SH3BP1: variants seen among roughly 807,000 people sequenced by gnomAD.
SH3BP1 encodes SH3 domain-binding protein 1.
SH3BP1 carries 46 observed loss-of-function variants against 69.8 expected under a neutral mutation model. The observed-to-expected ratio is 0.66, with a 90% confidence interval of 0.52 to 0.84. The LOEUF (loss-of-function observed/expected upper bound fraction) is 0.84. Ranked by LOEUF, SH3BP1 falls within the 40% of genes least tolerant of loss-of-function variation. The pLI is 0.00. For synonymous variants in SH3BP1, 403 were observed against 378.0 expected, an observed-to-expected ratio of 1.07 and a Z score of -0.77; for missense variants, 868 against 930.9, an observed-to-expected ratio of 0.93 and a Z score of 0.88.
chr22:37,647,453 AG>A lies in SH3BP1; in HGVS notation c.1135del (p.Ala379ProfsTer24). The A allele has an allele frequency of 6.2e-7, 1 of 1,611,880 alleles. No individual in the cohort carries two copies. The highest frequency in any genetic ancestry group is 8.5e-7 in the Non-Finnish European group (1 of 1,179,480). The stretch of plus-strand genomic sequence containing the variant: ...CACTCCCCCCCAGCCTGAAGGAGCC[AG>A]GGGCCCGGCTGCAGGCCCTCCAAGA... ...WMRAASLKEP[G>X]ARLQALQEVC... On this transcript the variant is annotated frameshift_variant, in exon 13 of 18. Transcript: ENST00000649765. LOFTEE classifies it high-confidence loss of function.
intron 13 of SH3BP1, 41 bp downstream of exon 13, chr22:37,647,562 A>G (rs889707671): frequency 2.0e-6 from 3 of 1,528,194 alleles, no homozygotes; most frequent in African/African-American, 2.8e-5. Flanking sequence ...GCAGAGCCAG[A>G]GCCCAGCTGA....
intron 9 of SH3BP1, 176 bp downstream of exon 9, chr22:37,645,136 G>C (rs1023439466): frequency 1.8e-5 from 15 of 825,198 alleles, no homozygotes; most frequent in Non-Finnish European, 2.8e-5. Context: ...GGAGTGAAGC[G>C]GGCAGGACTA....
At position 37,650,854 on chromosome 22, in the gene SH3BP1, G is replaced by T. The variant is rs559146911; in HGVS notation, c.1598+129G>T. ...ATTAGTGTTTTCATCCCAAAGACCG[G>T]ATCTCCTAGTTTGGAGAGGGTGGGG... is the stretch of plus-strand genomic sequence containing the variant. On this transcript the variant is annotated intron_variant, in intron 16 of 17. Transcript: ENST00000649765. The T allele has an allele frequency of 3.2e-3, 4,064 of 1,260,340 alleles. 8 individuals carry two copies. The highest frequency in any genetic ancestry group is 3.7e-3 in the Non-Finnish European group (3,384 of 925,756). 78.1% of individuals were successfully genotyped at this position (1,260,340 alleles called of 1,614,324 possible). A position where few individuals can be genotyped will look rare whatever the true frequency, so the allele number is the denominator to read the frequency against.
At chr22:37,648,707 T>G in intron 14 of SH3BP1, 1 of 342,772 alleles carries the variant, frequency 2.9e-6, no homozygotes. Context: ...GTTCTTTTTT[T>G]TTTTTTTTTT....
chr22:37,653,070 G>A (rs1485283290), intron 16 of SH3BP1, among the ~76,000 whole-genome samples: 1 of 151,998 alleles, frequency 6.6e-6, no homozygotes, highest in Non-Finnish European at 1.5e-5. Flanking sequence ...CCAGGAGGCG[G>A]AGGTCACAGT....
intron 10 of SH3BP1, among the ~76,000 whole-genome samples, chr22:37,646,138 T>A (rs1932782723): frequency 6.6e-6 from 1 of 151,958 alleles, no homozygotes; most frequent in Non-Finnish European, 1.5e-5. Context: ...AGCTAATTTT[T>A]GTATTTTTTA....
intron 3 of SH3BP1, 122 bp from the exon 4 acceptor site, chr22:37,642,417 C>G: frequency 1.2e-6 from 1 of 857,592 alleles, no homozygotes; most frequent in East Asian, 2.6e-5. Flanking sequence ...CTTGTTTCCA[C>G]TCTCATCTGG....
intron 1 of SH3BP1, 88 bp downstream of exon 1, chr22:37,639,934 G>A: frequency 1.1e-6 from 1 of 932,784 alleles, no homozygotes; most frequent in Non-Finnish European, 1.6e-6. Context: ...GGTGGGGGAG[G>A]CTGGGGACAG....
intron 14 of SH3BP1, chr22:37,648,703 T>A: frequency 4.7e-6 from 1 of 211,516 alleles, no homozygotes; most frequent in Non-Finnish European, 8.5e-6. Context: ...TCGGGTTCTT[T>A]TTTTTTTTTT....
Position 37,652,385 on chromosome 22 carries a change from G to A in SH3BP1, c.1599-1394G>A, listed in dbSNP as rs551950949. On this transcript the variant is annotated intron_variant, in intron 16 of 17. Coordinates refer to ENST00000649765, the MANE Select transcript of SH3BP1 (RefSeq NM_018957.6). ...GGCTGTGTCTCTACAAAAAATAAAT[G>A]AGGTCGGTGTGGTGGTGCACACCTG... is the stretch of plus-strand genomic sequence containing the variant. Among the ~76,000 whole-genome samples, 3 of 152,042 alleles carry A rather than the reference G, an allele frequency of 2.0e-5. No homozygotes were observed. In the East Asian group the frequency reaches 5.8e-4, roughly 29 times the overall value.
chr22:37,645,575 C>A, intron 10 of SH3BP1, 65 bp downstream of exon 10: 1 of 1,529,944 alleles, frequency 6.5e-7, no homozygotes, highest in Non-Finnish European at 8.9e-7. Context: ...AAACCGCCCA[C>A]TTGCTGCCCT....
intron 6 of SH3BP1, 186 bp from the exon 7 acceptor site, chr22:37,643,458 A>G: frequency 2.5e-6 from 2 of 785,356 alleles, no homozygotes; most frequent in Non-Finnish European, 4.0e-6. Flanking sequence ...TGTGATCACC[A>G]AATCTGCCAC....
intron 10 of SH3BP1, among the ~76,000 whole-genome samples, 193 bp downstream of exon 10, chr22:37,645,703 ACTAGAAGC>A (rs1302837050): frequency 6.6e-6 from 1 of 152,192 alleles, no homozygotes; most frequent in Non-Finnish European, 1.5e-5. Flanking sequence ...CAAGCGCTGT[ACTAGAAGC>A]CTTTGCATTC....
chr22:37,645,822 T>G (rs1246258013), intron 10 of SH3BP1, among the ~76,000 whole-genome samples: 15 of 152,184 alleles, frequency 9.9e-5, no homozygotes, highest in Non-Finnish European at 2.2e-4. Flanking sequence ...GGGGCTCCAC[T>G]GCCACACACT....
chr22:37,643,203 A>T lies in SH3BP1; in HGVS notation c.473+29A>T, dbSNP rs1027812979. ...GGAGCCCCAGCCGCTCAGGGGGCTC[A>T]TATCTGGGTCAGCCCACAGAGATGG... On this transcript the variant is annotated intron_variant, in intron 6 of 17. Coordinates refer to ENST00000649765, the MANE Select transcript of SH3BP1 (RefSeq NM_018957.6). The T allele has an allele frequency of 3.8e-6, 6 of 1,577,766 alleles. No individual in the cohort carries two copies. In the African/African-American group the frequency reaches 8.1e-5, roughly 21 times the overall value.
chr22:37,652,640 A>G (rs900356280), intron 16 of SH3BP1, among the ~76,000 whole-genome samples: 4 of 151,658 alleles, frequency 2.6e-5, no homozygotes, highest in African/African-American at 7.3e-5. Flanking sequence ...CCTGGCAAAC[A>G]TGGTGAAATC....
intron 10 of SH3BP1, 130 bp downstream of exon 10, chr22:37,645,640 A>G (rs4610159): frequency 0.14 from 147,393 of 1,073,706 alleles, 18,451 homozygotes; most frequent in African/African-American, 0.6. Flanking sequence ...AGAAGACATG[A>G]CTGCCTCCTG....
intron 8 of SH3BP1, 76 bp from the exon 9 acceptor site, chr22:37,644,794 G>T: frequency 1.2e-6 from 2 of 1,603,368 alleles, no homozygotes; most frequent in South Asian, 2.2e-5. Flanking sequence ...TGGTGGAGGG[G>T]GCGTCTGCTC....
chr22:37,654,006 G>T, intron 17 of SH3BP1, 133 bp downstream of exon 17: 1 of 658,882 alleles, frequency 1.5e-6, no homozygotes, highest in Non-Finnish European at 2.7e-6. Context: ...CCCAGGTCTT[G>T]CCACCTGGCA....
Sources: gnomAD v4.1 joint callset for allele counts (sites outside exome capture counted in the v4.1 genomes callset) on GRCh38, gnomAD v4.1.1 for gene constraint, MANE v1.5 for transcripts, NCBI Gene and HGNC (gene_info 2026-07-23, HGNC 2026-07-21) for gene names.